Variants in ARHGEF9 observed in about 807,000 individuals in gnomAD.
The protein encoded by ARHGEF9 is Cdc42 guanine nucleotide exchange factor 9, also known as rho guanine nucleotide exchange factor 9.
Under a neutral mutation model 41.3 loss-of-function variants are expected in ARHGEF9, and 2 were observed. That is an observed-to-expected ratio of 0.05 (90% CI 0.02 to 0.15). The LOEUF is 0.15. Among genes scored for constraint, ARHGEF9 ranks in the 10% least tolerant of loss-of-function variants. The probability of loss-of-function intolerance (pLI) is 1.00; values close to 1 mark genes in which losing one functional copy is unlikely to be tolerated. For synonymous variants in ARHGEF9, 160 were observed against 154.4 expected (o/e 1.04, Z -0.27); for missense variants, 225 against 424.7 (o/e 0.53, Z 4.13).
intron 1 of ARHGEF9, among the ~76,000 whole-genome samples, chrX:63,730,625 T>C (rs1401404157): frequency 8.9e-6 from 1 of 112,039 alleles, no homozygotes; most frequent in Non-Finnish European, 1.9e-5. Flanking sequence ...CAGGTGATAC[T>C]GATGCTGCTG....
chrX:63,767,121 A>G, intron 1 of ARHGEF9: 1 of 941,985 alleles, frequency 1.1e-6, no homozygotes, highest in Non-Finnish European at 1.5e-6. Context: ...CACTTTCACC[A>G]TTACAGGCCA....
intron 1 of ARHGEF9, chrX:63,754,718 GGGTTTGGCGCCCGA>G: frequency 1.0e-6 from 1 of 956,534 alleles, no homozygotes; most frequent in East Asian, 3.9e-5. Context: ...GAGAAGGGCT[GGGTTTGGCGCCCGA>G]GTTTAGTCGG....
chrX:63,777,071 T>C (rs1452266076), intron 1 of ARHGEF9, among the ~76,000 whole-genome samples: 2 of 111,970 alleles, frequency 1.8e-5, no homozygotes, highest in Non-Finnish European at 3.8e-5. Context: ...TATTAGCCCA[T>C]TCTCGAACTG....
intron 1 of ARHGEF9, among the ~76,000 whole-genome samples, chrX:63,746,738 C>T (rs1343513707): frequency 3.6e-5 from 4 of 112,415 alleles, no homozygotes; most frequent in African/African-American, 1.3e-4. Flanking sequence ...GGGCTCTGAG[C>T]TGTCAAAGCA....
rs2047247353 is a variant in ARHGEF9, at chrX:63,635,024, TACA to T, written c.*3001_*3003del. 3 of 259,776 alleles carry T rather than the reference TACA, an allele frequency of 1.2e-5. No individual in the cohort carries two copies. Among genetic ancestry groups the T allele is most frequent in the South Asian group, 7.2e-5 (1 of 13,878 alleles). 21.4% of individuals were successfully genotyped at this position (259,776 alleles called of 1,213,427 possible). A position where few individuals can be genotyped will look rare whatever the true frequency, so the allele number is the denominator to read the frequency against. ...ATATTTTCATAAGGCTTTGTGTCAT[TACA>T]ACATTTTTTTTGTTAAACATTTTTT... is the stretch of plus-strand genomic sequence containing the variant. On this transcript the variant is annotated 3_prime_UTR_variant, in exon 10 of 10. Coordinates refer to ENST00000671741, the MANE Select transcript of ARHGEF9 (RefSeq NM_001353921.2).
chrX:63,705,426 T>C (rs1556400730), intron 3 of ARHGEF9, among the ~76,000 whole-genome samples: 1 of 107,441 alleles, frequency 9.3e-6, no homozygotes, highest in Admixed American at 1.0e-4. Context: ...AACGCTGCCT[T>C]CATTTCCCAT....
chrX:63,684,605 A>G (rs1194502221), intron 4 of ARHGEF9, among the ~76,000 whole-genome samples: 1 of 111,579 alleles, frequency 9.0e-6, no homozygotes, highest in Non-Finnish European at 1.9e-5. Context: ...TATTAACAAT[A>G]GCCAAGATGT....
chrX:63,715,791 T>C (rs1172931852), intron 2 of ARHGEF9, among the ~76,000 whole-genome samples: 1 of 112,187 alleles, frequency 8.9e-6, no homozygotes, highest in Non-Finnish European at 1.9e-5. Flanking sequence ...CTAACATTTG[T>C]ACAAAACATT....
At chrX:63,663,082 G>T (rs191674445) in intron 7 of ARHGEF9, among the ~76,000 whole-genome samples, 3 of 111,838 alleles carry the variant, frequency 2.7e-5, no homozygotes, top group Non-Finnish European at 5.6e-5. Context: ...TCTATAGCAT[G>T]AAAGAATTCA....
intron 1 of ARHGEF9, among the ~76,000 whole-genome samples, chrX:63,764,207 C>A (rs1556450694): frequency 8.9e-6 from 1 of 112,622 alleles, no homozygotes; most frequent in Non-Finnish European, 1.9e-5. Flanking sequence ...GACCAACAAA[C>A]ATATGAAAAA....
intron 6 of ARHGEF9, among the ~76,000 whole-genome samples, chrX:63,672,632 A>G (rs1387694602): frequency 9.0e-6 from 1 of 111,388 alleles, no homozygotes; most frequent in East Asian, 2.8e-4. Context: ...CTGATGTCCC[A>G]GAGCACACAG....
intron 8 of ARHGEF9, among the ~76,000 whole-genome samples, chrX:63,650,420 T>A (rs1463496344): frequency 3.6e-5 from 4 of 111,160 alleles, no homozygotes; most frequent in Non-Finnish European, 7.6e-5. Flanking sequence ...TGAAATAAGA[T>A]TATTTTCCCT....
intron 4 of ARHGEF9, among the ~76,000 whole-genome samples, chrX:63,682,881 A>G (rs1556371151): frequency 1.8e-5 from 2 of 111,839 alleles, no homozygotes; most frequent in Non-Finnish European, 3.8e-5. Flanking sequence ...GTAACATCAT[A>G]ATCAATGGTG....
intron 1 of ARHGEF9, among the ~76,000 whole-genome samples, chrX:63,758,674 C>T (rs782194754): frequency 8.9e-6 from 1 of 112,001 alleles, no homozygotes; most frequent in Admixed American, 9.4e-5. Context: ...TTTTCCAGCT[C>T]CCCATTTCAA....
intron 4 of ARHGEF9, among the ~76,000 whole-genome samples, chrX:63,691,037 G>GA (rs1245567257): frequency 9.0e-6 from 1 of 110,898 alleles, no homozygotes; most frequent in Non-Finnish European, 1.9e-5. Flanking sequence ...TACTGAACAG[G>GA]AAAAAAATCA....
chrX:63,708,950 G>T (rs2052734616), intron 2 of ARHGEF9, among the ~76,000 whole-genome samples: 1 of 111,889 alleles, frequency 8.9e-6, no homozygotes, highest in African/African-American at 3.2e-5. Context: ...AAGACTTTCT[G>T]GTCTAACCTC....
intron 7 of ARHGEF9, among the ~76,000 whole-genome samples, chrX:63,662,801 T>C (rs1556343043): frequency 8.9e-6 from 1 of 112,071 alleles, no homozygotes. Context: ...TAAATGCTAG[T>C]TCATTAATAC....
chrX:63,778,413 G>A (rs2056328831), intron 1 of ARHGEF9, among the ~76,000 whole-genome samples: 1 of 112,055 alleles, frequency 8.9e-6, no homozygotes, highest in South Asian at 3.7e-4. Flanking sequence ...TGATGGGAGG[G>A]GCTGCTGGGA....
chrX:63,692,771 C>T (rs2051440009), intron 4 of ARHGEF9, among the ~76,000 whole-genome samples: 1 of 112,016 alleles, frequency 8.9e-6, no homozygotes, highest in South Asian at 3.7e-4. Flanking sequence ...TTGTTTATCA[C>T]AGCACTATTC....
Sources: gnomAD v4.1 joint callset for allele counts (sites outside exome capture counted in the v4.1 genomes callset) on GRCh38, gnomAD v4.1.1 for gene constraint, MANE v1.5 for transcripts, NCBI Gene and HGNC (gene_info 2026-07-23, HGNC 2026-07-21) for gene names.